MAPK8: variants seen among roughly 807,000 people sequenced by gnomAD.
The protein encoded by MAPK8 is JUN N-terminal kinase.
In MAPK8, 13 loss-of-function variants were observed where a neutral mutation model predicts 52.9. The ratio of observed to expected loss-of-function variants is 0.25; its 90% CI spans 0.16 to 0.39. The LOEUF (loss-of-function observed/expected upper bound fraction) is 0.39. MAPK8 is among the 10% of genes least tolerant of loss of function. MAPK8 has a pLI of 1.00. For synonymous variants in MAPK8, 191 were observed against 169.8 expected (o/e 1.12, Z -0.97); for missense variants, 300 against 519.2 (o/e 0.58, Z 4.10).
chr10:48,327,499 G>A (rs928178055), intron 1 of MAPK8, among the ~76,000 whole-genome samples: 1 of 152,074 alleles, frequency 6.6e-6, no homozygotes, highest in Admixed American at 6.5e-5. Context: ...ATTTTGTTGA[G>A]GATTTTTGTT....
chr10:48,383,537 C>T (rs1371715771), intron 1 of MAPK8, among the ~76,000 whole-genome samples: 1 of 152,120 alleles, frequency 6.6e-6, no homozygotes, highest in Non-Finnish European at 1.5e-5. Context: ...AATTTTAACT[C>T]TGTTTTAGAT....
intron 1 of MAPK8, among the ~76,000 whole-genome samples, chr10:48,307,725 G>A (rs1841542088): frequency 6.6e-6 from 1 of 152,180 alleles, no homozygotes; most frequent in South Asian, 2.1e-4. Flanking sequence ...GATCTTTCCA[G>A]TAGAATTCTG....
At chr10:48,326,635 TAGAG>T in intron 1 of MAPK8, among the ~76,000 whole-genome samples, 1 of 152,314 alleles carries the variant, frequency 6.6e-6, no homozygotes, top group East Asian at 1.9e-4. Flanking sequence ...TCTATGTGTC[TAGAG>T]AGAGATATAA....
chr10:48,383,285 A>G (rs1370746786), intron 1 of MAPK8, among the ~76,000 whole-genome samples: 1 of 152,172 alleles, frequency 6.6e-6, no homozygotes, highest in Non-Finnish European at 1.5e-5. Context: ...GCCACAAATA[A>G]GGTGCAAATC....
chr10:48,427,825 C>T (rs141284152), intron 10 of MAPK8, among the ~76,000 whole-genome samples: 1 of 152,166 alleles, frequency 6.6e-6, no homozygotes, highest in African/African-American at 2.4e-5. Flanking sequence ...TCTTTTAGTT[C>T]ACGTATCTGC....
intron 1 of MAPK8, among the ~76,000 whole-genome samples, chr10:48,382,977 G>A (rs1181466636): frequency 6.8e-6 from 1 of 148,076 alleles, no homozygotes; most frequent in African/African-American, 2.5e-5. Flanking sequence ...TAGCCTGAAT[G>A]TCAGCTTTTA....
intron 11 of MAPK8, among the ~76,000 whole-genome samples, chr10:48,433,266 A>G (rs149459015): frequency 5.6e-4 from 86 of 152,324 alleles, no homozygotes; most frequent in African/African-American, 1.9e-3. Context: ...GTCAATTTTT[A>G]TCAGATTAAG....
chr10:48,421,344 T>G (rs2043343075), intron 6 of MAPK8, among the ~76,000 whole-genome samples: 1 of 152,236 alleles, frequency 6.6e-6, no homozygotes, highest in Admixed American at 6.5e-5. Context: ...AATTTGAAGT[T>G]TTTTATTTTT....
chr10:48,349,403 G>C (rs1260870954), intron 1 of MAPK8, among the ~76,000 whole-genome samples: 1 of 152,014 alleles, frequency 6.6e-6, no homozygotes. Flanking sequence ...ATGCAAAAGA[G>C]CAGAAATCAT....
At position 48,404,173 on chromosome 10, in the gene MAPK8, C is replaced by CTTT. The variant is rs373695876; in HGVS notation, c.123-668_123-666dup. Reference sequence around the variant, plus strand: ...AAATCTTTTGAGTAGAATTTATATGCTTTTTTTTTTTTTGAGGGAGTCTAC... The same window carrying CTTT: ...AAATCTTTTGAGTAGAATTTATATGCTTTTTTTTTTTTTTTTGAGGGAGTCTAC... On this transcript the variant is annotated intron_variant, in intron 2 of 11. Transcript: ENST00000374189. Among the ~76,000 whole-genome samples, 377 of 141,298 alleles carry CTTT rather than the reference C, an allele frequency of 2.7e-3. 2 individuals are homozygous for CTTT. Among genetic ancestry groups the CTTT allele is most frequent in the African/African-American group, 8.4e-3 (322 of 38,452 alleles). The allele number at this position is 141,298 out of a possible 152,430, so 92.7% of individuals were successfully genotyped here.
At chr10:48,342,532 A>G (rs1026502934) in intron 1 of MAPK8, among the ~76,000 whole-genome samples, 15 of 152,366 alleles carry the variant, frequency 9.8e-5, no homozygotes, top group Admixed American at 7.2e-4. Flanking sequence ...TAATTTTGTT[A>G]TTGTGAAGAA....
chr10:48,392,447 T>C (rs952470105), intron 1 of MAPK8, among the ~76,000 whole-genome samples: 4 of 151,942 alleles, frequency 2.6e-5, no homozygotes, highest in Non-Finnish European at 5.9e-5. Flanking sequence ...CATAGAATTA[T>C]ATATATGTTA....
At chr10:48,379,696 T>A (rs2040872677) in intron 1 of MAPK8, among the ~76,000 whole-genome samples, 1 of 152,196 alleles carries the variant, frequency 6.6e-6, no homozygotes, top group Non-Finnish European at 1.5e-5. Flanking sequence ...CAGTCCTCTA[T>A]CAGTTCAGTC....
intron 1 of MAPK8, among the ~76,000 whole-genome samples, chr10:48,357,651 G>A (rs1167863941): frequency 2.0e-5 from 3 of 152,154 alleles, no homozygotes; most frequent in Non-Finnish European, 2.9e-5. Flanking sequence ...ATCCACCTCG[G>A]CCTTCCAAAG....
chr10:48,355,455 G>A (rs1846806974), intron 1 of MAPK8, among the ~76,000 whole-genome samples: 1 of 147,528 alleles, frequency 6.8e-6, no homozygotes, highest in Non-Finnish European at 1.5e-5. Context: ...CTTGCAGTGA[G>A]CCGAGATTGC....
At chr10:48,369,858 C>G (rs1449130059) in intron 1 of MAPK8, among the ~76,000 whole-genome samples, 1 of 152,034 alleles carries the variant, frequency 6.6e-6, no homozygotes, top group Non-Finnish European at 1.5e-5. Flanking sequence ...TGTTTAGGAG[C>G]AAGAAGTTTG....
Position 48,404,888 on chromosome 10 carries a change from A to G in MAPK8, c.159A>G (p.Ala53=). The G allele has an allele frequency of 6.2e-7, 1 of 1,609,436 alleles. No individual in the cohort carries two copies. The highest frequency in any genetic ancestry group is 8.5e-7 in the Non-Finnish European group (1 of 1,177,074). ...AYDAILERNV[A]IKKLSRPFQN... ...ATGCCATTCTTGAAAGAAATGTTGC[A>G]ATCAAGAAGCTAAGCCGACCATTTC... The change falls in exon 3 of 12, where the codon GCA becomes GCG. Residue 53 remains alanine (A), a synonymous_variant. Coordinates refer to ENST00000374189, the MANE Select transcript of MAPK8 (RefSeq NM_001323329.2).
At chr10:48,332,248 T>G (rs1844226272) in intron 1 of MAPK8, among the ~76,000 whole-genome samples, 1 of 152,216 alleles carries the variant, frequency 6.6e-6, no homozygotes, top group Non-Finnish European at 1.5e-5. Context: ...GAAATCTACT[T>G]GAATGCTTTG....
At chr10:48,433,752 T>C (rs2044579444) in intron 11 of MAPK8, among the ~76,000 whole-genome samples, 1 of 152,194 alleles carries the variant, frequency 6.6e-6, no homozygotes, top group South Asian at 2.1e-4. Context: ...GTTTCATTGC[T>C]CATCTGGACA....
Sources: allele counts gnomAD v4.1 joint callset (sites outside exome capture counted in the v4.1 genomes callset), GRCh38; gene constraint gnomAD v4.1.1; transcripts MANE v1.5; gene names NCBI Gene and HGNC (gene_info 2026-07-23, HGNC 2026-07-21).